CHL1: variants seen among roughly 807,000 people sequenced by gnomAD.
The protein encoded by CHL1 is neural cell adhesion molecule L1-like protein.
Under a neutral mutation model 141.9 loss-of-function variants are expected in CHL1, and 96 were observed. That is an observed-to-expected ratio of 0.68 (90% CI 0.57 to 0.80). The LOEUF (loss-of-function observed/expected upper bound fraction) is 0.80, where lower values mean the gene tolerates loss of function less well. Among genes scored for constraint, CHL1 ranks in the 30% least tolerant of loss-of-function variants. The probability of loss-of-function intolerance (pLI) is 0.00; values close to 1 mark genes in which losing one functional copy is unlikely to be tolerated. For synonymous variants in CHL1, 613 were observed against 502.2 expected, an observed-to-expected ratio of 1.22 and a Z score of -2.95; for missense variants, 1,820 against 1,457.2, an observed-to-expected ratio of 1.25 and a Z score of -4.05.
intron 1 of CHL1, among the ~76,000 whole-genome samples, chr3:237,399 A>G (rs1692100609): frequency 6.6e-6 from 1 of 152,216 alleles, no homozygotes; most frequent in South Asian, 2.1e-4. Flanking sequence ...TTTCTTTATA[A>G]ATTACCCAGT....
intron 5 of CHL1, among the ~76,000 whole-genome samples, chr3:329,508 G>A (rs1324923063): frequency 1.3e-5 from 2 of 151,788 alleles, no homozygotes; most frequent in Non-Finnish European, 2.9e-5. Flanking sequence ...AAATTTATAA[G>A]TATGTACACT....
intron 2 of CHL1, among the ~76,000 whole-genome samples, chr3:263,534 G>T (rs182633023): frequency 1.3e-5 from 2 of 152,298 alleles, no homozygotes; most frequent in East Asian, 1.9e-4. Context: ...ATGAGATGTG[G>T]TGCATAAGAC....
chr3:202,649 C>G (rs955290335), intron 1 of CHL1, among the ~76,000 whole-genome samples: 1 of 152,154 alleles, frequency 6.6e-6, no homozygotes, highest in Non-Finnish European at 1.5e-5. Flanking sequence ...GATTTGCGTA[C>G]GCCGTCCACA....
intron 24 of CHL1, among the ~76,000 whole-genome samples, chr3:396,809 A>T (rs1708713037): frequency 6.6e-6 from 1 of 152,148 alleles, no homozygotes; most frequent in South Asian, 2.1e-4. Flanking sequence ...GTACAGGGAA[A>T]AAAATTACAA....
At chr3:278,701 C>A (rs1479740174) in intron 2 of CHL1, among the ~76,000 whole-genome samples, 12 of 152,090 alleles carry the variant, frequency 7.9e-5, no homozygotes, top group Admixed American at 7.9e-4. Context: ...TAATGGTAGA[C>A]TTGGGTTACT....
At chr3:217,163 G>GA (rs750285981) in intron 1 of CHL1, among the ~76,000 whole-genome samples, 6 of 151,900 alleles carry the variant, frequency 3.9e-5, no homozygotes, top group Admixed American at 3.3e-4. Context: ...GATTCATGCT[G>GA]AAAAAAGAAC....
chr3:214,956 G>GCACACACACA (rs5845952), intron 1 of CHL1, among the ~76,000 whole-genome samples: 73 of 150,378 alleles, frequency 4.9e-4, no homozygotes, highest in Admixed American at 3.8e-3. Flanking sequence ...ATGTGCACGT[G>GCACACACACA]CACACACACA....
At position 391,742 on chromosome 3, in the gene CHL1, A is replaced by C. The variant is rs768471530; in HGVS notation, c.2859A>C (p.Gly953=). The C allele has an allele frequency of 1.4e-5, 23 of 1,600,928 alleles. No individual in the cohort carries two copies. In the Admixed American group the frequency reaches 3.9e-4, roughly 27 times the overall value. ...VDKDTATLSW[G]LPKKLNGNLT... is the part of the protein sequence containing the mutation. The stretch of plus-strand genomic sequence containing the variant: ...AAGACACTGCCACTTTATCTTGGGG[A>C]CTACCTAAGAAATTAAATGGAAACT... The change falls in exon 23 of 28, where the codon GGA becomes GGC. Residue 953 remains glycine, a synonymous_variant. Coordinates refer to ENST00000256509, the MANE Select transcript of CHL1 (RefSeq NM_006614.4).
Position 401,782 on chromosome 3 carries a change from T to C in CHL1, c.3458+84T>C, listed in dbSNP as rs1165123847. 6 of 778,706 alleles carry C rather than the reference T, an allele frequency of 7.7e-6. No individual in the cohort carries two copies. In the African/African-American group the frequency reaches 9.0e-5, roughly 12 times the overall value. The allele number at this position is 778,706 out of a possible 1,614,324, so 48.2% of individuals were successfully genotyped here. Reference sequence around the variant, plus strand: ...TGAACAAAAAGGTGTTTATTCTTAATAAAAAGGTTACATAACTACAATGTA... The same window carrying C: ...TGAACAAAAAGGTGTTTATTCTTAACAAAAAGGTTACATAACTACAATGTA... On this transcript the variant is annotated intron_variant, in intron 27 of 27. Transcript: ENST00000256509.
At chr3:353,038 T>C (rs950348524) in intron 10 of CHL1, among the ~76,000 whole-genome samples, 2 of 152,180 alleles carry the variant, frequency 1.3e-5, no homozygotes, top group African/African-American at 4.8e-5. Context: ...CCTGGGCAAG[T>C]TAGGCAACTT....
chr3:317,097 G>A (rs1700203218), intron 2 of CHL1, among the ~76,000 whole-genome samples: 3 of 152,040 alleles, frequency 2.0e-5, no homozygotes, highest in Admixed American at 6.6e-5. Flanking sequence ...TAATTTTTAT[G>A]TTGTAGCCTG....
At chr3:374,495 CAT>C (rs992524380) in intron 15 of CHL1, among the ~76,000 whole-genome samples, 1 of 152,134 alleles carries the variant, frequency 6.6e-6, no homozygotes, top group African/African-American at 2.4e-5. Context: ...ATGACATGGA[CAT>C]TTAGGCTTTG....
chr3:320,143 T>G (rs1161976065), intron 3 of CHL1, among the ~76,000 whole-genome samples: 2 of 152,064 alleles, frequency 1.3e-5, no homozygotes, highest in African/African-American at 4.8e-5. Flanking sequence ...TTTTTCCATA[T>G]GTCTTGGATT....
intron 11 of CHL1, among the ~76,000 whole-genome samples, chr3:356,971 T>C (rs1703775569): frequency 6.6e-6 from 1 of 152,212 alleles, no homozygotes; most frequent in Non-Finnish European, 1.5e-5. Context: ...GACTGTGTGA[T>C]TGATACTAGG....
chr3:319,695 C>G lies in CHL1; in HGVS notation c.-82C>G. The G allele has an allele frequency of 1.3e-6, 1 of 754,576 alleles. No individual in the cohort carries two copies. The highest frequency in any genetic ancestry group is 2.2e-6 in the Non-Finnish European group (1 of 451,180). The allele number at this position is 754,576 out of a possible 1,614,324, so 46.7% of individuals were successfully genotyped here. ...TTTGTGTTTTTAGTTTCCAGGTTAA[C>G]TAAGGTCTCAGCTGTAAACCAAAAG... On this transcript the variant is annotated 5_prime_UTR_variant, in exon 3 of 28. Transcript: ENST00000256509.
In CHL1 at chr3:197,071, A is replaced by T. The variant is rs901893956; in HGVS notation, c.-175+8A>T. The T allele has an allele frequency of 2.0e-5, 3 of 149,674 alleles. No homozygotes were observed. The highest frequency in any genetic ancestry group is 7.4e-5 in the African/African-American group (3 of 40,614). 9.3% of individuals were successfully genotyped at this position (149,674 alleles called of 1,614,324 possible). ...GTTTCGGAGGCGGCGCAGGTGTGTC[A>T]GGGGTGGGGGTCCGCTGGCATCTCT... On this transcript the variant is annotated splice_region_variant and intron_variant, in intron 1 of 27. Coordinates refer to ENST00000256509, the MANE Select transcript of CHL1 (RefSeq NM_006614.4).
intron 15 of CHL1, chr3:376,271 C>G (rs111843436): frequency 3.2e-5 from 13 of 403,442 alleles, no homozygotes; most frequent in African/African-American, 2.7e-4. Flanking sequence ...GTGTGATTTT[C>G]TGTGTGACCC....
chr3:395,143 CTTAA>C (rs1304864505), intron 24 of CHL1, among the ~76,000 whole-genome samples: 1 of 152,138 alleles, frequency 6.6e-6, no homozygotes, highest in African/African-American at 2.4e-5. Flanking sequence ...TATAATTTTA[CTTAA>C]TTAAAGTAGC....
chr3:197,585 C>T, intron 1 of CHL1: 1 of 350,054 alleles, frequency 2.9e-6, no homozygotes, highest in South Asian at 2.1e-5. Flanking sequence ...AGTCCACTGC[C>T]CCTGTGTGGC....
Sources: allele counts gnomAD v4.1 joint callset (sites outside exome capture counted in the v4.1 genomes callset), GRCh38; gene constraint gnomAD v4.1.1; transcripts MANE v1.5; gene names NCBI Gene and HGNC (gene_info 2026-07-23, HGNC 2026-07-21).